Variants in KRT28 observed in about 807,000 individuals in gnomAD.
KRT28 encodes keratin, type I cytoskeletal 28.
KRT28 carries 45 observed loss-of-function variants against 48.1 expected under a neutral mutation model. The observed-to-expected ratio is 0.94, with a 90% CI of 0.74 to 1.20. The LOEUF is 1.20. KRT28 is among the 50% of genes most tolerant of loss of function. KRT28 has a pLI of 0.00. For missense variants in KRT28, 571 were observed against 574.1 expected (o/e 0.99, Z 0.06); for synonymous variants, 228 against 227.4 (o/e 1.00, Z -0.03).
intron 3 of KRT28, 98 bp downstream of exon 3, chr17:40,798,137 A>G: frequency 8.2e-7 from 1 of 1,222,908 alleles, no homozygotes; most frequent in South Asian, 1.5e-5. Context: ...AATTATAACA[A>G]TGAACCTGAA....
chr17:40,793,945 G>A lies in KRT28; in HGVS notation c.1080C>T (p.His360=). ...GGCCCTCGGTCTCGGTTCTGACCTG[G>A]TGCAGCTGCTCCTCCAGGGCCCCGA... is the stretch of plus-strand genomic sequence containing the variant. ...AQIGALEEQL[H]QVRTETEGQK... is the part of the protein sequence containing the mutation. The change falls in exon 6 of 8, where the codon CAC becomes CAT. Residue 360 remains histidine (H), a synonymous_variant. Transcript: ENST00000306658. 2.5e-6 allele frequency: 4 copies of A among 1,613,874 alleles called. No individual in the cohort carries two copies. Among genetic ancestry groups the A allele is most frequent in the Non-Finnish European group, 3.4e-6 (4 of 1,179,838 alleles).
rs765476656 is a variant in KRT28 at position 40,799,655 on chromosome 17, C to A, written c.239G>T (p.Gly80Val). ...ACIGFAGSEG[G>V]LLSGNEKVTM... ...CACCTTCTCATTTCCAGAGAGGAGT[C>A]CCCCTTCGCTTCCAGCAAAGCCAAT... The change falls in exon 1 of 8, where the codon GGA becomes GTA. Residue 80 changes from glycine to valine, a missense_variant. Coordinates refer to ENST00000306658, the MANE Select transcript of KRT28 (RefSeq NM_181535.3). The A allele has an allele frequency of 6.2e-7, 1 of 1,614,150 alleles. No homozygotes were observed. The highest frequency in any genetic ancestry group is 8.5e-7 in the Non-Finnish European group (1 of 1,180,026).
chr17:40,792,691 T>C (rs1384325334), intron 7 of KRT28, 122 bp from the exon 8 acceptor site: 2 of 712,846 alleles, frequency 2.8e-6, no homozygotes, highest in Non-Finnish European at 4.4e-6. Context: ...ATATTTATAA[T>C]AATAGCTTGG....
At chr17:40,798,540 AC>A in intron 2 of KRT28, 149 bp from the exon 3 acceptor site, 1 of 771,380 alleles carries the variant, frequency 1.3e-6, no homozygotes, top group Non-Finnish European at 2.0e-6. Context: ...CTCCTGCATT[AC>A]CCCCACTCAA....
chr17:40,799,796 C>T lies in KRT28; in HGVS notation c.98G>A (p.Ser33Asn), dbSNP rs184884096. 6.2e-7 allele frequency: 1 copy of T among 1,614,092 alleles called. No individual in the cohort carries two copies. The highest frequency in any genetic ancestry group is 1.3e-5 in the African/African-American group (1 of 75,040). ...PLNGGAGFAG[S>N]SACGGSVAGS... ...AGCAACAGAGCCACCACATGCACTG[C>T]TGCCTGCAAAGCCTGCACCTCCATT... Residue 33 changes from serine to asparagine, a missense_variant, in exon 1 of 8, where the codon AGC becomes AAC. Ser to Asn is a conservative substitution (Grantham distance 46). Transcript: ENST00000306658.
chr17:40,799,761 A>G lies in KRT28; in HGVS notation c.133T>C (p.Phe45Leu). 1.2e-6 allele frequency: 2 copies of G among 1,613,910 alleles called. No homozygotes were observed. Among genetic ancestry groups the G allele is most frequent in the Non-Finnish European group, 1.7e-6 (2 of 1,179,960 alleles). ...AAGCCCCCTCCCAAGGCACAGGAAAATTCACTTCCAGCAACAGAGCCACCA... is the reference window on the plus strand; with the variant it reads ...AAGCCCCCTCCCAAGGCACAGGAAAGTTCACTTCCAGCAACAGAGCCACCA... ...ACGGSVAGSE[F>L]SCALGGGLGS... Residue 45 changes from phenylalanine (F) to leucine (L), a missense_variant, in exon 1 of 8, where the codon TTT becomes CTT. By Grantham distance (22) the Phe-to-Leu change is conservative. Transcript: ENST00000306658.
At position 40,799,829 on chromosome 17, in the gene KRT28, C is replaced by T. The variant is rs1262400408; in HGVS notation, c.65G>A (p.Arg22Lys). The T allele has an allele frequency of 1.2e-6, 2 of 1,613,956 alleles. No individual in the cohort carries two copies. Among genetic ancestry groups the T allele is most frequent in the South Asian group, 2.2e-5 (2 of 91,086 alleles). Residue 22 changes from arginine (R) to lysine (K), a missense_variant, in exon 1 of 8, where the codon AGA (arginine) becomes AAA (lysine). Transcript: ENST00000306658. ...VCLRSGAGSV[R>K]PLNGGAGFAG... ...AAAGCCTGCACCTCCATTGAGGGGT[C>T]TGACAGATCCAGCTCCAGACCTTAA...
rs1904515810 is a variant in KRT28, at chr17:40,792,515, C to T, written c.1307G>A (p.Gly436Asp). The T allele has an allele frequency of 5.6e-6, 9 of 1,613,276 alleles. No homozygotes were observed. The highest frequency in any genetic ancestry group is 7.6e-6 in the Non-Finnish European group (9 of 1,179,552). Residue 436 changes from glycine (G) to aspartate (D), a missense_variant, in exon 8 of 8, where the codon GGT becomes GAT. Transcript: ENST00000306658. ...GTGAATCCTTGATGAAAGAACTTTA[C>T]CACGTTGATCTAGCTCTTCAACCAC... ...KTVVEELDQRGKVLSSRIHSI... is the reference protein window; with the variant it reads ...KTVVEELDQRDKVLSSRIHSI...
At position 40,793,934 on chromosome 17, in the gene KRT28, G is replaced by C; in HGVS notation, c.1091C>G (p.Thr364Ser). 1 of 1,613,914 alleles carries C rather than the reference G, an allele frequency of 6.2e-7. No individual in the cohort carries two copies. The highest frequency in any genetic ancestry group is 8.5e-7 in the Non-Finnish European group (1 of 1,179,858). Residue 364 changes from threonine to serine, a missense_variant, in exon 6 of 8, where the codon ACC (threonine) becomes AGC (serine). Transcript: ENST00000306658. ...ALEEQLHQVR[T>S]ETEGQKLEYE... Reference sequence around the variant, plus strand: ...CTCCAGCTTCTGGCCCTCGGTCTCGGTTCTGACCTGGTGCAGCTGCTCCTC... The same window carrying C: ...CTCCAGCTTCTGGCCCTCGGTCTCGCTTCTGACCTGGTGCAGCTGCTCCTC...
Position 40,793,882 on chromosome 17 carries a change from GA to G in KRT28, c.1142del (p.Val381AlafsTer13), listed in dbSNP as rs758500873. ...AGGTCTCAATTTCTTTTTCCAAGTG[GA>G]CCTTGACATCGAGGAGATGCTCATA... ...LEYEHLLDVK[V>X]HLEKEIETYC... On this transcript the variant is annotated frameshift_variant, in exon 6 of 8. Coordinates refer to ENST00000306658, the MANE Select transcript of KRT28 (RefSeq NM_181535.3). LOFTEE classifies it high-confidence loss of function. The G allele has an allele frequency of 2.0e-5, 32 of 1,613,836 alleles. No homozygotes were observed. Among genetic ancestry groups the G allele is most frequent in the Non-Finnish European group, 2.7e-5 (32 of 1,179,838 alleles).
Position 40,796,901 on chromosome 17 carries a change from T to G in KRT28, c.978+15A>C. ...TAGAATCACAGGATCCAGGCTGACCTTCGCTGTCACCTACCGTGGCCATCA... is the reference window on the plus strand; with the variant it reads ...TAGAATCACAGGATCCAGGCTGACCGTCGCTGTCACCTACCGTGGCCATCA... On this transcript the variant is annotated intron_variant, in intron 5 of 7. Coordinates refer to ENST00000306658, the MANE Select transcript of KRT28 (RefSeq NM_181535.3). 2 of 1,574,714 alleles carry G rather than the reference T, an allele frequency of 1.3e-6. No individual in the cohort carries two copies. The highest frequency in any genetic ancestry group is 8.6e-7 in the Non-Finnish European group (1 of 1,163,326).
intron 5 of KRT28, among the ~76,000 whole-genome samples, chr17:40,794,788 T>C (rs1047856974): frequency 5.3e-5 from 8 of 152,226 alleles, no homozygotes; most frequent in Non-Finnish European, 8.8e-5. Flanking sequence ...ATTACTTCTG[T>C]TGATATTAGT....
At chr17:40,795,167 T>C (rs1343699312) in intron 5 of KRT28, among the ~76,000 whole-genome samples, 1 of 152,204 alleles carries the variant, frequency 6.6e-6, no homozygotes, top group Non-Finnish European at 1.5e-5. Context: ...TTAGAGCTAC[T>C]GACTTAGGCA....
In KRT28 at chr17:40,798,333, G is replaced by A. The variant is rs200021509; in HGVS notation, c.592C>T (p.Arg198Ter). 10 of 1,613,010 alleles carry A rather than the reference G, an allele frequency of 6.2e-6. No homozygotes were observed. The highest frequency in any genetic ancestry group is 8.5e-6 in the Non-Finnish European group (10 of 1,179,500). The change falls in exon 3 of 8, where the codon CGA (arginine) becomes TGA (stop). Residue 198 changes from arginine (R) to a stop codon, truncating the protein, a stop_gained. Coordinates refer to ENST00000306658, the MANE Select transcript of KRT28 (RefSeq NM_181535.3). LOFTEE classifies it high-confidence loss of function. ...NVEADINGLR[R>*]VLDELTLCRT... ...CAGAGCGTCAGCTCGTCCAGGACTC[G>A]CCGTAATCCGTTGATGTCGGCCTCT...
At position 40,792,321 on chromosome 17, in the gene KRT28, G is replaced by A; in HGVS notation, c.*106C>T. ...CTAAGAAAACAGGTATTTTTGCTAA[G>A]TAATGTATCTTTAAAAGTAAAAAGT... On this transcript the variant is annotated 3_prime_UTR_variant, in exon 8 of 8. Transcript: ENST00000306658. The A allele has an allele frequency of 1.1e-6, 1 of 880,792 alleles. No individual in the cohort carries two copies. Among genetic ancestry groups the A allele is most frequent in the Non-Finnish European group, 1.6e-6 (1 of 617,298 alleles). 54.6% of individuals were successfully genotyped at this position (880,792 alleles called of 1,614,324 possible). A position where few individuals can be genotyped will look rare whatever the true frequency, so the allele number is the denominator to read the frequency against.
chr17:40,794,509 C>T (rs2143069648), intron 5 of KRT28, among the ~76,000 whole-genome samples: 1 of 151,892 alleles, frequency 6.6e-6, no homozygotes, highest in African/African-American at 2.4e-5. Context: ...TTTTTTTTCT[C>T]TAATCCATCC....
intron 6 of KRT28, among the ~76,000 whole-genome samples, chr17:40,793,500 T>C: frequency 6.6e-6 from 1 of 152,208 alleles, no homozygotes. Flanking sequence ...GTACATTTAT[T>C]TCAGGGCAGC....
chr17:40,796,082 G>A (rs1302249309), intron 5 of KRT28, among the ~76,000 whole-genome samples: 2 of 152,310 alleles, frequency 1.3e-5, no homozygotes, highest in South Asian at 4.1e-4. Flanking sequence ...AGAATCTCCC[G>A]TTGTTTTGAG....
chr17:40,799,775 A>G lies in KRT28; in HGVS notation c.119T>C (p.Val40Ala), dbSNP rs199943438. Reference protein sequence around the residue: ...FAGSSACGGSVAGSEFSCALG... With the variant: ...FAGSSACGGSAAGSEFSCALG... ...GGCACAGGAAAATTCACTTCCAGCAACAGAGCCACCACATGCACTGCTGCC... is the reference window on the plus strand; with the variant it reads ...GGCACAGGAAAATTCACTTCCAGCAGCAGAGCCACCACATGCACTGCTGCC... The change falls in exon 1 of 8, where the codon GTT becomes GCT. Residue 40 changes from valine to alanine, a missense_variant. Physicochemically the swap from Val to Ala is moderately conservative, Grantham distance 64. Transcript: ENST00000306658. 168 of 1,613,900 alleles carry G rather than the reference A, an allele frequency of 1.0e-4. No homozygotes were observed. The highest frequency in any genetic ancestry group is 2.0e-4 in the Admixed American group (12 of 59,984).
Sources: gnomAD v4.1 joint callset for allele counts (sites outside exome capture counted in the v4.1 genomes callset) on GRCh38, gnomAD v4.1.1 for gene constraint, MANE v1.5 for transcripts, NCBI Gene and HGNC (gene_info 2026-07-23, HGNC 2026-07-21) for gene names.